EMSY: variants seen among roughly 807,000 people sequenced by gnomAD.
EMSY encodes EMSY transcriptional repressor, BRCA2 interacting.
Under a neutral mutation model 134.6 loss-of-function variants are expected in EMSY, and 26 were observed. The ratio of observed to expected loss-of-function variants is 0.19; its 90% CI spans 0.14 to 0.27. EMSY has a LOEUF of 0.27. Ranked by LOEUF, EMSY falls within the 10% of genes least tolerant of loss-of-function variation. EMSY has a pLI of 1.00. For missense variants in EMSY, 1,305 were observed against 1,611.4 expected (o/e 0.81, Z 3.26); for synonymous variants, 579 against 577.8 (o/e 1.00, Z -0.03).
intron 10 of EMSY, among the ~76,000 whole-genome samples, chr11:76,515,208 G>T (rs191761705): frequency 1.4e-4 from 12 of 88,072 alleles, no homozygotes; most frequent in Non-Finnish European, 2.1e-4. Context: ...CATTTTTTTG[G>T]GGGGGGGGAG....
chr11:76,542,177 T>C lies in EMSY; in HGVS notation c.2558-39T>C, dbSNP rs773508625. 4 of 1,611,036 alleles carry C rather than the reference T, an allele frequency of 2.5e-6. No homozygotes were observed. In the Admixed American group the frequency reaches 6.7e-5, roughly 27 times the overall value. ...TGACTACTGGTTACAGATGCTGTGG[T>C]GATTTCTGGAGAAATATCATCACCT... On this transcript the variant is annotated intron_variant, in intron 17 of 20. Transcript: ENST00000334736.
At chr11:76,446,349 G>GTATATA (rs10636663) in intron 1 of EMSY, among the ~76,000 whole-genome samples, 9,303 of 129,146 alleles carry the variant, frequency 0.072, 431 homozygotes, top group Middle Eastern at 0.11. Context: ...ATATATATGT[G>GTATATA]TATATATATA....
intron 5 of EMSY, 118 bp from the exon 7 acceptor site, chr11:76,459,815 G>A: frequency 9.0e-7 from 1 of 1,117,224 alleles, no homozygotes; most frequent in Non-Finnish European, 1.3e-6. Context: ...CCTAGTACTG[G>A]CCTCTGACTT....
At chr11:76,464,936 C>T (rs1050443358) in intron 7 of EMSY, among the ~76,000 whole-genome samples, 4 of 152,142 alleles carry the variant, frequency 2.6e-5, no homozygotes, top group Non-Finnish European at 5.9e-5. Flanking sequence ...CTTCCGGCTT[C>T]CATTATTGAT....
intron 8 of EMSY, among the ~76,000 whole-genome samples, chr11:76,474,093 G>A (rs1280252182): frequency 6.8e-6 from 1 of 146,404 alleles, no homozygotes; most frequent in East Asian, 2.0e-4. Flanking sequence ...TCCAGTCCTG[G>A]TGACAGACCA....
At chr11:76,484,137 T>C (rs1949088452) in intron 8 of EMSY, among the ~76,000 whole-genome samples, 1 of 152,198 alleles carries the variant, frequency 6.6e-6, no homozygotes, top group African/African-American at 2.4e-5. Context: ...AACAACCTGC[T>C]CCTGAATGAC....
chr11:76,511,418 T>A (rs1011126830), intron 9 of EMSY, among the ~76,000 whole-genome samples: 6 of 152,170 alleles, frequency 3.9e-5, no homozygotes, highest in African/African-American at 9.7e-5. Context: ...ATTACTTAAT[T>A]GTGGTCGGGT....
chr11:76,542,746 G>GTTTTTTT (rs1055512705), intron 18 of EMSY, among the ~76,000 whole-genome samples: 9 of 55,724 alleles, frequency 1.6e-4, no homozygotes, highest in East Asian at 4.2e-4. Flanking sequence ...TTTGTTTTTC[G>GTTTTTTT]TTTTTTGTTT....
At chr11:76,536,183 C>T in intron 15 of EMSY, 124 bp downstream of exon 16, 1 of 647,004 alleles carries the variant, frequency 1.5e-6, no homozygotes, top group Non-Finnish European at 2.1e-6. Flanking sequence ...ATTATTTGAG[C>T]ACATTTCCCC....
At chr11:76,505,283 C>G (rs972261699) in intron 9 of EMSY, among the ~76,000 whole-genome samples, 1 of 150,288 alleles carries the variant, frequency 6.7e-6, no homozygotes, top group African/African-American at 2.4e-5. Flanking sequence ...GCAACTTACG[C>G]CTCCTGGGTT....
At chr11:76,472,171 C>A (rs181388701) in intron 7 of EMSY, among the ~76,000 whole-genome samples, 6 of 152,254 alleles carry the variant, frequency 3.9e-5, no homozygotes, top group Admixed American at 3.3e-4. Context: ...TTCTTTTGTT[C>A]ATTCTTCTAT....
At chr11:76,528,568 C>A in intron 14 of EMSY, 102 bp downstream of exon 15, 1 of 663,130 alleles carries the variant, frequency 1.5e-6, no homozygotes. Context: ...AATTTGTATG[C>A]TCTATCAATT....
intron 20 of EMSY, among the ~76,000 whole-genome samples, chr11:76,548,496 A>G (rs540860897): frequency 2.6e-5 from 4 of 152,312 alleles, no homozygotes; most frequent in African/African-American, 9.6e-5. Flanking sequence ...AAAAGAGTCT[A>G]TATATGTGGA....
chr11:76,447,351 G>A (rs1273340519), intron 2 of EMSY, among the ~76,000 whole-genome samples: 3 of 152,008 alleles, frequency 2.0e-5, no homozygotes, highest in Non-Finnish European at 4.4e-5. Context: ...GTTTTGTCTC[G>A]TCTCCATTTT....
intron 8 of EMSY, among the ~76,000 whole-genome samples, chr11:76,473,810 T>C (rs1327961998): frequency 6.6e-6 from 1 of 151,668 alleles, no homozygotes; most frequent in Non-Finnish European, 1.5e-5. Flanking sequence ...GCCTGTAACA[T>C]GGTGAAACCC....
chr11:76,453,420 T>C, intron 4 of EMSY, 32 bp downstream of exon 4: 1 of 1,591,774 alleles, frequency 6.3e-7, no homozygotes, highest in Non-Finnish European at 8.6e-7. Flanking sequence ...CCCTGATTTT[T>C]TATGACATAG....
intron 8 of EMSY, among the ~76,000 whole-genome samples, chr11:76,486,636 A>C (rs1949194158): frequency 6.6e-6 from 1 of 152,142 alleles, no homozygotes; most frequent in Admixed American, 6.5e-5. Flanking sequence ...ATGAGAAAAA[A>C]ATGATCTCTG....
At chr11:76,450,079 C>A (rs1484186503) in intron 2 of EMSY, among the ~76,000 whole-genome samples, 2 of 148,904 alleles carry the variant, frequency 1.3e-5, no homozygotes, top group African/African-American at 5.0e-5. Flanking sequence ...TTTTTCCCTG[C>A]CTGCCTGGCA....
At chr11:76,457,274 G>A (rs1947911307) in intron 4 of EMSY, among the ~76,000 whole-genome samples, 1 of 152,176 alleles carries the variant, frequency 6.6e-6, no homozygotes. Context: ...GGTTTCAAAT[G>A]CAGAAATATT....
Sources: gnomAD v4.1 joint callset for allele counts (sites outside exome capture counted in the v4.1 genomes callset) on GRCh38, gnomAD v4.1.1 for gene constraint, MANE v1.5 for transcripts, NCBI Gene and HGNC (gene_info 2026-07-23, HGNC 2026-07-21) for gene names.